The following RHBDL3 variants were observed in gnomAD, a reference collection of about 807,000 sequenced individuals.
RHBDL3 encodes rhomboid like 3.
Under a neutral mutation model 48.2 loss-of-function variants are expected in RHBDL3, and 28 were observed. The observed-to-expected ratio is 0.58, with a 90% confidence interval of 0.43 to 0.80. The LOEUF (loss-of-function observed/expected upper bound fraction) is 0.80, where lower values mean the gene tolerates loss of function less well. Among genes scored for constraint, RHBDL3 ranks in the 30% least tolerant of loss-of-function variants. RHBDL3 has a pLI of 0.00. For missense variants in RHBDL3, 464 were observed against 542.7 expected (o/e 0.85, Z 1.44); for synonymous variants, 208 against 232.3 (o/e 0.90, Z 0.95).
At chr17:32,268,400 T>C (rs527850002) in intron 2 of RHBDL3, among the ~76,000 whole-genome samples, 42 of 152,304 alleles carry the variant, frequency 2.8e-4, no homozygotes, top group Middle Eastern at 3.4e-3. Context: ...ATGTCTTTAA[T>C]TCTGTCATAG....
At chr17:32,275,516 C>T (rs2039877264) in intron 2 of RHBDL3, among the ~76,000 whole-genome samples, 1 of 151,936 alleles carries the variant, frequency 6.6e-6, no homozygotes, top group South Asian at 2.1e-4. Flanking sequence ...GTGCTGCCCA[C>T]CCCACCCATC....
intron 7 of RHBDL3, among the ~76,000 whole-genome samples, chr17:32,312,035 G>A (rs1360104373): frequency 2.1e-4 from 32 of 152,238 alleles, no homozygotes; most frequent in Admixed American, 2.1e-3. Context: ...GAGGGGCATG[G>A]AGGCTGGAGA....
intron 5 of RHBDL3, among the ~76,000 whole-genome samples, chr17:32,297,265 C>G (rs554753362): frequency 6.6e-6 from 1 of 151,968 alleles, no homozygotes; most frequent in Admixed American, 6.5e-5. Flanking sequence ...GTCAGGAGTT[C>G]GAGACCAGCC....
Position 32,279,234 on chromosome 17 carries a change from T to G in RHBDL3, c.136-5425T>G, listed in dbSNP as rs561085771. Among the ~76,000 whole-genome samples, 11 of 152,172 alleles carry G rather than the reference T, an allele frequency of 7.2e-5. No homozygotes were observed. The South Asian group carries it at 2.3e-3, about 32-fold the overall frequency. On this transcript the variant is annotated intron_variant, in intron 2 of 8. Transcript: ENST00000269051. ...GTGGCCTGAGGTTTCAGTCAAGGGGTGCCTGATACATAGCAAACTTTCCAC... is the reference window on the plus strand; with the variant it reads ...GTGGCCTGAGGTTTCAGTCAAGGGGGGCCTGATACATAGCAAACTTTCCAC...
chr17:32,295,855 C>T (rs530373939), intron 5 of RHBDL3, among the ~76,000 whole-genome samples: 47 of 152,312 alleles, frequency 3.1e-4, no homozygotes, highest in South Asian at 2.3e-3. Context: ...CACATGCACA[C>T]AGCTAGATGC....
intron 2 of RHBDL3, 125 bp from the exon 3 acceptor site, chr17:32,284,534 C>CACTG (rs71144814): frequency 0.2 from 167,348 of 856,730 alleles, 17,888 homozygotes; most frequent in African/African-American, 0.27. Context: ...ATCTCCCAGA[C>CACTG]ACTGAGCCTC....
At position 32,305,859 on chromosome 17, in the gene RHBDL3, A is replaced by G. The variant is rs1302607658; in HGVS notation, c.882+418A>G. Among the ~76,000 whole-genome samples the G allele has an allele frequency of 2.0e-5, 3 of 151,384 alleles. No homozygotes were observed. In the East Asian group the frequency reaches 5.8e-4, roughly 29 times the overall value. On this transcript the variant is annotated intron_variant, in intron 7 of 8. Coordinates refer to ENST00000269051, the MANE Select transcript of RHBDL3 (RefSeq NM_138328.3). The stretch of plus-strand genomic sequence containing the variant: ...CATGAACCCAGGAGGTGGAGCTTGC[A>G]GTGAGCCGAGATCGCGCCACTGCAC...
At chr17:32,319,163 T>C (rs988830138) in intron 8 of RHBDL3, among the ~76,000 whole-genome samples, 7 of 151,534 alleles carry the variant, frequency 4.6e-5, no homozygotes, top group East Asian at 1.9e-4. Context: ...TGGCTCACGC[T>C]TGTAATCCCA....
intron 6 of RHBDL3, among the ~76,000 whole-genome samples, chr17:32,301,833 G>A (rs1319644548): frequency 2.6e-5 from 4 of 151,532 alleles, no homozygotes; most frequent in African/African-American, 9.7e-5. Flanking sequence ...AAAAAAAAAA[G>A]GAAAGATACG....
At position 32,276,702 on chromosome 17, in the gene RHBDL3, G is replaced by GTACTCCGGCCCTAGCACCT. The variant is rs1199221087; in HGVS notation, c.136-7931_136-7913dup. ...AGCACCGTACTCCAGCCCTAGCACA[G>GTACTCCGGCCCTAGCACCT]TACTCCGGCCCTAGCACCTTACTCC... On this transcript the variant is annotated intron_variant, in intron 2 of 8. Coordinates refer to ENST00000269051, the MANE Select transcript of RHBDL3 (RefSeq NM_138328.3). Among the ~76,000 whole-genome samples the GTACTCCGGCCCTAGCACCT allele has an allele frequency of 2.1e-4, 27 of 129,850 alleles. 1 individual carries two copies. The highest frequency in any genetic ancestry group is 5.7e-4 in the Admixed American group (7 of 12,364). The allele number at this position is 129,850 out of a possible 152,430, so 85.2% of individuals were successfully genotyped here. A position where few individuals can be genotyped will look rare whatever the true frequency, so the allele number is the denominator to read the frequency against.
At chr17:32,309,325 G>A (rs1379835218) in intron 7 of RHBDL3, among the ~76,000 whole-genome samples, 1 of 151,948 alleles carries the variant, frequency 6.6e-6, no homozygotes, top group East Asian at 1.9e-4. Flanking sequence ...GGGCGAGGCA[G>A]GCGGATCAAC....
rs948065395 is a variant in RHBDL3, at chr17:32,324,368, G to A, written c.*3139G>A. ...CACCACACCAGGATCTTCCCCCAGCGTCCAATTTAATTTGCAAATACGTAA... is the reference window on the plus strand; with the variant it reads ...CACCACACCAGGATCTTCCCCCAGCATCCAATTTAATTTGCAAATACGTAA... On this transcript the variant is annotated 3_prime_UTR_variant, in exon 9 of 9. Transcript: ENST00000269051. The A allele has an allele frequency of 1.3e-5, 2 of 152,584 alleles. No individual in the cohort carries two copies. The highest frequency in any genetic ancestry group is 2.9e-5 in the Non-Finnish European group (2 of 68,042). The allele number at this position is 152,584 out of a possible 1,614,324, so 9.5% of individuals were successfully genotyped here. A position where few individuals can be genotyped will look rare whatever the true frequency, so the allele number is the denominator to read the frequency against.
intron 7 of RHBDL3, among the ~76,000 whole-genome samples, chr17:32,310,760 T>C (rs2040828099): frequency 1.3e-5 from 2 of 152,002 alleles, no homozygotes; most frequent in African/African-American, 2.4e-5. Flanking sequence ...GGCGGGCACC[T>C]GTGGTCCCAG....
intron 4 of RHBDL3, 34 bp from the exon 5 acceptor site, chr17:32,294,260 G>A: frequency 6.2e-7 from 1 of 1,600,866 alleles, no homozygotes; most frequent in Non-Finnish European, 8.5e-7. Context: ...TGGGCAGTGT[G>A]CACCTAGTAA....
intron 2 of RHBDL3, among the ~76,000 whole-genome samples, chr17:32,277,290 G>A (rs113127017): frequency 1.6e-4 from 25 of 152,362 alleles, no homozygotes; most frequent in South Asian, 4.1e-4. Context: ...GAGACCAGAC[G>A]TGTGTTTGCC....
At chr17:32,309,123 A>G (rs578163927) in intron 7 of RHBDL3, among the ~76,000 whole-genome samples, 4 of 152,142 alleles carry the variant, frequency 2.6e-5, no homozygotes, top group Non-Finnish European at 5.9e-5. Flanking sequence ...TGGCAAATTC[A>G]TATCGTTCTA....
rs1222414569 is a variant in RHBDL3 at position 32,266,249 on chromosome 17, C to A, written c.60C>A (p.Ile20=). 1.5e-5 allele frequency: 22 copies of A among 1,462,706 alleles called. No homozygotes were observed. The highest frequency in any genetic ancestry group is 1.7e-5 in the Non-Finnish European group (19 of 1,114,160). The allele number at this position is 1,462,706 out of a possible 1,614,324, so 90.6% of individuals were successfully genotyped here. A position where few individuals can be genotyped will look rare whatever the true frequency, so the allele number is the denominator to read the frequency against. ...AVAACAEAER[I]EELEPEAEER... is the part of the protein sequence containing the mutation. ...CCGCCTGCGCCGAGGCGGAGCGCAT[C>A]GAGGAGCTGGAACCCGAGGCCGAGG... The change falls in exon 1 of 9, where the codon ATC becomes ATA. Residue 20 remains isoleucine (I), a synonymous_variant. Transcript: ENST00000269051.
chr17:32,311,784 G>A (rs1245665940), intron 7 of RHBDL3, among the ~76,000 whole-genome samples: 2 of 152,202 alleles, frequency 1.3e-5, no homozygotes, highest in Non-Finnish European at 2.9e-5. Flanking sequence ...TCAAGATACT[G>A]TCACACATTT....
At chr17:32,270,160 A>G (rs1054184784) in intron 2 of RHBDL3, among the ~76,000 whole-genome samples, 1 of 148,564 alleles carries the variant, frequency 6.7e-6, no homozygotes, top group African/African-American at 2.5e-5. Context: ...AAAAAAAAGA[A>G]GCAAGCAACC....
Sources: allele counts gnomAD v4.1 joint callset (sites outside exome capture counted in the v4.1 genomes callset), GRCh38; gene constraint gnomAD v4.1.1; transcripts MANE v1.5; gene names NCBI Gene and HGNC (gene_info 2026-07-23, HGNC 2026-07-21).